DMD: variants seen among roughly 807,000 people sequenced by gnomAD.
DMD encodes the protein mutant dystrophin.
In DMD, 63 loss-of-function variants were observed where a neutral mutation model predicts 330.1. That is an observed-to-expected ratio of 0.19 (90% CI 0.16 to 0.24). The LOEUF is 0.24. DMD is among the 10% of genes least tolerant of loss of function. The pLI is 1.00. For synonymous variants in DMD, 1,223 were observed against 959.8 expected (o/e 1.27, Z -5.07); for missense variants, 3,344 against 2,684.1 (o/e 1.25, Z -5.43).
chrX:31,694,649 T>C lies in DMD; in HGVS notation c.7661-15063A>G, dbSNP rs183338300. Among the ~76,000 whole-genome samples the C allele has an allele frequency of 3.6e-3, 269 of 75,631 alleles. 1 individual carries two copies. Among genetic ancestry groups the C allele is most frequent in the Non-Finnish European group, 5.1e-3 (208 of 41,111 alleles). 65.7% of individuals were successfully genotyped at this position (75,631 alleles called of 115,157 possible). A position where few individuals can be genotyped will look rare whatever the true frequency, so the allele number is the denominator to read the frequency against. On this transcript the variant is annotated intron_variant, in intron 52 of 78. Transcript: ENST00000357033. ...ATATATATATATATATATATATATATACACACACATATATGTATAATACTC... is the reference window on the plus strand; with the variant it reads ...ATATATATATATATATATATATATACACACACACATATATGTATAATACTC...
At chrX:32,118,937 G>A (rs747451206) in intron 44 of DMD, among the ~76,000 whole-genome samples, 6 of 111,128 alleles carry the variant, frequency 5.4e-5, no homozygotes, top group South Asian at 3.9e-4. Flanking sequence ...ATCTAATACC[G>A]CTGCTGAGCT....
chrX:32,480,242 T>G (rs1480442106), intron 21 of DMD, among the ~76,000 whole-genome samples: 1 of 111,938 alleles, frequency 8.9e-6, no homozygotes, highest in Non-Finnish European at 1.9e-5. Flanking sequence ...GAACGGCTAC[T>G]TTCAAAATGA....
intron 44 of DMD, among the ~76,000 whole-genome samples, chrX:31,997,428 GT>G (rs778180108): frequency 1.0e-5 from 1 of 98,960 alleles, no homozygotes; most frequent in Admixed American, 1.1e-4. Flanking sequence ...ATTTTTTTTT[GT>G]TTTTTGTTTT....
At chrX:32,178,830 G>GTGTGTGTGTGTGTGTGTGT (rs1569549001) in intron 44 of DMD, among the ~76,000 whole-genome samples, 81 of 99,172 alleles carry the variant, frequency 8.2e-4, no homozygotes, top group African/African-American at 2.5e-3. Flanking sequence ...TATTCCAGGG[G>GTGTGTGTGTGTGTGTGTGT]GTGTGTGTGT....
chrX:32,148,173 G>A (rs1285001506), intron 44 of DMD, among the ~76,000 whole-genome samples: 2 of 110,450 alleles, frequency 1.8e-5, no homozygotes, highest in Admixed American at 9.7e-5. Flanking sequence ...CACCGCACCC[G>A]GCCAAAAAAT....
chrX:32,213,468 ATG>A (rs1430762515), intron 44 of DMD, among the ~76,000 whole-genome samples: 4 of 111,932 alleles, frequency 3.6e-5, no homozygotes. Context: ...ATATGTATTC[ATG>A]TGTGTGTGCA....
At chrX:32,113,589 T>A (rs1033047938) in intron 44 of DMD, among the ~76,000 whole-genome samples, 1 of 111,181 alleles carries the variant, frequency 9.0e-6, no homozygotes, top group African/African-American at 3.3e-5. Context: ...GGCAACAGAG[T>A]GTCCTTCTAA....
chrX:33,129,953 A>C (rs1390670368), intron 1 of DMD, among the ~76,000 whole-genome samples: 1 of 112,025 alleles, frequency 8.9e-6, no homozygotes, highest in Admixed American at 9.5e-5. Flanking sequence ...CAATTACACT[A>C]TAAAGAAAGA....
intron 34 of DMD, among the ~76,000 whole-genome samples, chrX:32,371,429 A>AT (rs925027435): frequency 1.0e-4 from 11 of 108,158 alleles, no homozygotes; most frequent in South Asian, 3.9e-4. Context: ...ATAGGACCAA[A>AT]TTTTTTTTTT....
At chrX:33,011,091 T>G (rs1466255787) in intron 2 of DMD, among the ~76,000 whole-genome samples, 1 of 111,858 alleles carries the variant, frequency 8.9e-6, no homozygotes, top group Non-Finnish European at 1.9e-5. Flanking sequence ...TAGGTCTCTA[T>G]GTCTATTGCC....
At chrX:31,834,247 G>C (rs2093140028) in intron 49 of DMD, among the ~76,000 whole-genome samples, 1 of 111,431 alleles carries the variant, frequency 9.0e-6, no homozygotes, top group Non-Finnish European at 1.9e-5. Flanking sequence ...TTTCTGCCTT[G>C]TATTGCTGGG....
At chrX:31,132,692 C>T (rs1278644784) in intron 77 of DMD, among the ~76,000 whole-genome samples, 1 of 110,996 alleles carries the variant, frequency 9.0e-6, no homozygotes, top group Admixed American at 9.6e-5. Flanking sequence ...CTTTCCATCC[C>T]TACTACCTCC....
intron 70 of DMD, chrX:31,178,310 A>G: frequency 1.0e-6 from 1 of 986,671 alleles, no homozygotes. Context: ...ATACAAAAAG[A>G]CACACATTTA....
intron 11 of DMD, among the ~76,000 whole-genome samples, chrX:32,641,171 T>C (rs1354545484): frequency 1.8e-5 from 2 of 110,835 alleles, no homozygotes; most frequent in African/African-American, 6.6e-5. Context: ...TAAAGTAGCC[T>C]CCCCTCAACC....
intron 11 of DMD, among the ~76,000 whole-genome samples, chrX:32,616,342 A>G (rs950555079): frequency 2.7e-5 from 3 of 111,098 alleles, no homozygotes; most frequent in Non-Finnish European, 5.7e-5. Context: ...GAGAAGTTAC[A>G]TAAGTTTTTG....
At chrX:31,556,646 G>GCAT (rs775279231) in intron 55 of DMD, among the ~76,000 whole-genome samples, 1 of 109,880 alleles carries the variant, frequency 9.1e-6, no homozygotes, top group Non-Finnish European at 1.9e-5. Flanking sequence ...AAAAACCCAA[G>GCAT]CATCATATTC....
At chrX:32,837,670 A>G (rs1282468391) in intron 4 of DMD, among the ~76,000 whole-genome samples, 1 of 111,891 alleles carries the variant, frequency 8.9e-6, no homozygotes, top group Non-Finnish European at 1.9e-5. Flanking sequence ...ATATCAGGAC[A>G]GTTAATACAC....
chrX:31,129,738 C>T (rs923320920), intron 77 of DMD, among the ~76,000 whole-genome samples: 5 of 112,097 alleles, frequency 4.5e-5, no homozygotes, highest in African/African-American at 1.6e-4. Flanking sequence ...AAGGGATAAC[C>T]GCTCAAATCC....
intron 44 of DMD, among the ~76,000 whole-genome samples, chrX:32,179,339 T>C (rs1365333022): frequency 2.7e-5 from 3 of 111,778 alleles, no homozygotes; most frequent in Non-Finnish European, 5.6e-5. Context: ...TGAGTTCTGA[T>C]AATGAGTGTG....
Sources: allele counts gnomAD v4.1 joint callset (sites outside exome capture counted in the v4.1 genomes callset), GRCh38; gene constraint gnomAD v4.1.1; transcripts MANE v1.5; gene names NCBI Gene and HGNC (gene_info 2026-07-23, HGNC 2026-07-21).